Variants in KDM3B observed in about 807,000 individuals in gnomAD.
The protein encoded by KDM3B is lysine-specific demethylase 3B.
KDM3B carries 10 observed loss-of-function variants against 170.0 expected under a neutral mutation model. That is an observed-to-expected ratio of 0.06 (90% confidence interval 0.04 to 0.10). The LOEUF is 0.10. Among genes scored for constraint, KDM3B ranks in the 10% least tolerant of loss-of-function variants. KDM3B has a pLI of 1.00. For missense variants in KDM3B, 1,394 were observed against 2,195.2 expected (o/e 0.64, Z 7.29); for synonymous variants, 831 against 834.8 (o/e 1.00, Z 0.08).
At chr5:138,424,653 G>T (rs1326448051) in intron 16 of KDM3B, among the ~76,000 whole-genome samples, 4 of 152,124 alleles carry the variant, frequency 2.6e-5, no homozygotes, top group Non-Finnish European at 2.9e-5. Context: ...GGTGGTGGGT[G>T]CCTGTAATCC....
intron 3 of KDM3B, among the ~76,000 whole-genome samples, chr5:138,375,981 T>A (rs1320595537): frequency 2.6e-5 from 4 of 152,038 alleles, no homozygotes; most frequent in Non-Finnish European, 4.4e-5. Context: ...CTGGCATTTT[T>A]AAATTTTTAT....
chr5:138,435,598 CTT>C lies in KDM3B; in HGVS notation c.5206-20_5206-19del, dbSNP rs1763653517. Reference sequence around the variant, plus strand: ...TTTGCATGGGGCTGCTGTGAACTGACTTTGCTGTACACCTTCTCTAGGTGAAG... The same window carrying C: ...TTTGCATGGGGCTGCTGTGAACTGACTGCTGTACACCTTCTCTAGGTGAAG... On this transcript the variant is annotated intron_variant, in intron 23 of 23. Coordinates refer to ENST00000314358, the MANE Select transcript of KDM3B (RefSeq NM_016604.4). The C allele has an allele frequency of 2.5e-6, 4 of 1,603,464 alleles. No homozygotes were observed. Among genetic ancestry groups the C allele is most frequent in the African/African-American group, 2.7e-5 (2 of 74,742 alleles).
chr5:138,356,068 G>T (rs573750497), intron 1 of KDM3B, among the ~76,000 whole-genome samples: 17 of 152,076 alleles, frequency 1.1e-4, no homozygotes, highest in African/African-American at 4.1e-4. Context: ...ATCGTTTTTG[G>T]TAACTACCTT....
chr5:138,396,686 G>A (rs150332863), intron 9 of KDM3B, among the ~76,000 whole-genome samples: 343 of 152,226 alleles, frequency 2.3e-3, no homozygotes, highest in South Asian at 8.7e-3. Flanking sequence ...TGGTAGTGTC[G>A]TGGTGGGAGC....
chr5:138,360,596 C>T (rs1334303429), intron 1 of KDM3B, among the ~76,000 whole-genome samples: 4 of 116,392 alleles, frequency 3.4e-5, no homozygotes, highest in South Asian at 2.8e-4. Context: ...TTTTTTGAGA[C>T]GGAGTCTCAC....
Position 138,352,719 on chromosome 5 carries a change from T to G in KDM3B, c.-77T>G, listed in dbSNP as rs1473822424. The G allele has an allele frequency of 1.0e-6, 1 of 989,704 alleles. No homozygotes were observed. Among genetic ancestry groups the G allele is most frequent in the Non-Finnish European group, 1.2e-6 (1 of 835,492 alleles). 61.3% of individuals were successfully genotyped at this position (989,704 alleles called of 1,614,324 possible). On this transcript the variant is annotated 5_prime_UTR_variant, in exon 1 of 24. Transcript: ENST00000314358. ...CCGCGGGTGGTGCGGAGGGAGGCCT[T>G]GCGGGCGGATCGGGCGCTTGGCGGC...
At chr5:138,421,448 C>T (rs1210247827) in intron 15 of KDM3B, among the ~76,000 whole-genome samples, 1 of 152,198 alleles carries the variant, frequency 6.6e-6, no homozygotes, top group Non-Finnish European at 1.5e-5. Context: ...GCCTGTCTTA[C>T]CTTTCATATC....
intron 11 of KDM3B, among the ~76,000 whole-genome samples, chr5:138,411,623 T>G (rs1237467789): frequency 6.6e-6 from 1 of 151,870 alleles, no homozygotes; most frequent in East Asian, 1.9e-4. Flanking sequence ...AATATTTGTA[T>G]CCTTGCACTA....
chr5:138,376,724 A>AT (rs1359004569), intron 3 of KDM3B, among the ~76,000 whole-genome samples: 1 of 151,742 alleles, frequency 6.6e-6, no homozygotes, highest in Non-Finnish European at 1.5e-5. Context: ...GAAAAAAAAA[A>AT]AAAAAGGCAG....
chr5:138,427,815 A>C (rs1763434302), intron 19 of KDM3B, 152 bp from the exon 20 acceptor site: 1 of 726,218 alleles, frequency 1.4e-6, no homozygotes. Flanking sequence ...AGTATAAAAG[A>C]GATGAAAGTG....
At chr5:138,430,074 T>G in intron 21 of KDM3B, 109 bp downstream of exon 21, 1 of 1,426,416 alleles carries the variant, frequency 7.0e-7, no homozygotes, top group Non-Finnish European at 9.5e-7. Context: ...AAAGACTTGT[T>G]GGCCATGATA....
In KDM3B at chr5:138,392,246, A is replaced by G; in HGVS notation, c.2614A>G (p.Thr872Ala). Reference protein sequence around the residue: ...GKQAPKGRPRTAPLKVGQSVL... With the variant: ...GKQAPKGRPRAAPLKVGQSVL... ...GCAGGCCCCCAAGGGCCGGCCTCGGACTGCCCCCCTGAAAGGTGATCCTGC... is the reference window on the plus strand; with the variant it reads ...GCAGGCCCCCAAGGGCCGGCCTCGGGCTGCCCCCCTGAAAGGTGATCCTGC... Residue 872 changes from threonine to alanine, a missense_variant, in exon 8 of 24, where the codon ACT becomes GCT. This residue lies in a region of KDM3B where 84 missense variants were observed against 135.8 expected (regional missense o/e 0.62). Coordinates refer to ENST00000314358, the MANE Select transcript of KDM3B (RefSeq NM_016604.4). 6.7e-7 allele frequency: 1 copy of G among 1,495,616 alleles called. No homozygotes were observed. The highest frequency in any genetic ancestry group is 2.3e-5 in the East Asian group (1 of 43,552). The allele number at this position is 1,495,616 out of a possible 1,614,324, so 92.6% of individuals were successfully genotyped here. A position where few individuals can be genotyped will look rare whatever the true frequency, so the allele number is the denominator to read the frequency against.
At position 138,425,536 on chromosome 5, in the gene KDM3B, C is replaced by T. The variant is rs369870458; in HGVS notation, c.4365C>T (p.Ser1455=). The T allele has an allele frequency of 8.7e-6, 14 of 1,613,758 alleles. No homozygotes were observed. The highest frequency in any genetic ancestry group is 4.0e-5 in the African/African-American group (3 of 74,844). The change falls in exon 17 of 24, where the codon TCC becomes TCT. Residue 1455 remains serine, a synonymous_variant. Coordinates refer to ENST00000314358, the MANE Select transcript of KDM3B (RefSeq NM_016604.4). Reference sequence around the variant, plus strand: ...ACTGCAGGAACTGTGCTATAATTTCCGATGTGAAAGTTCGGGATTTCTGGG... The same window carrying T: ...ACTGCAGGAACTGTGCTATAATTTCTGATGTGAAAGTTCGGGATTTCTGGG... The part of the protein sequence containing the change: ...LVNCRNCAII[S]DVKVRDFWDG...
At chr5:138,392,486 C>T (rs554506117) in intron 8 of KDM3B, among the ~76,000 whole-genome samples, 387 of 152,318 alleles carry the variant, frequency 2.5e-3, no homozygotes, top group Non-Finnish European at 3.3e-3. Flanking sequence ...TAATGATAAT[C>T]CCCCAAAGGA....
At chr5:138,430,511 G>A (rs989128538) in intron 22 of KDM3B, 86 bp downstream of exon 22, 2 of 1,244,248 alleles carry the variant, frequency 1.6e-6, no homozygotes, top group Non-Finnish European at 2.3e-6. Context: ...AGAGATTTAA[G>A]TAGCTGGATT....
intron 1 of KDM3B, among the ~76,000 whole-genome samples, chr5:138,356,268 AGTATAT>A (rs1286582874): frequency 1.3e-5 from 2 of 152,192 alleles, no homozygotes; most frequent in Non-Finnish European, 2.9e-5. Flanking sequence ...TCGGTTAAGA[AGTATAT>A]GTATTTTTTA....
chr5:138,359,829 T>A (rs1301334123), intron 1 of KDM3B, among the ~76,000 whole-genome samples: 1 of 151,774 alleles, frequency 6.6e-6, no homozygotes, highest in Admixed American at 6.6e-5. Flanking sequence ...TCCGCCCTAT[T>A]TTTTTTTATC....
intron 23 of KDM3B, among the ~76,000 whole-genome samples, chr5:138,435,088 G>C (rs1215842811): frequency 1.3e-5 from 2 of 152,066 alleles, no homozygotes; most frequent in African/African-American, 2.4e-5. Flanking sequence ...TTTATTGTGT[G>C]TTCCAATTTC....
chr5:138,356,335 A>G (rs1343125819), intron 1 of KDM3B, among the ~76,000 whole-genome samples: 3 of 151,944 alleles, frequency 2.0e-5, no homozygotes, highest in South Asian at 2.1e-4. Flanking sequence ...AGCATTTCCT[A>G]CTCCCACCAA....
Sources: allele counts gnomAD v4.1 joint callset (sites outside exome capture counted in the v4.1 genomes callset), GRCh38; gene constraint gnomAD v4.1.1; regional missense constraint gnomAD v4.1.1; transcripts MANE v1.5; gene names NCBI Gene and HGNC (gene_info 2026-07-23, HGNC 2026-07-21).